Variants in DIXDC1 observed in about 807,000 individuals in gnomAD.
DIXDC1 encodes DIX domain containing 1.
Under a neutral mutation model 103.1 loss-of-function variants are expected in DIXDC1, and 64 were observed. That is an observed-to-expected ratio of 0.62 (90% CI 0.51 to 0.76). The LOEUF is 0.76. DIXDC1 is among the 30% of genes least tolerant of loss of function. The probability of loss-of-function intolerance (pLI) is 0.00; values close to 1 mark genes in which losing one functional copy is unlikely to be tolerated. For synonymous variants in DIXDC1, 266 were observed against 298.5 expected (o/e 0.89, Z 1.12); for missense variants, 759 against 834.2 (o/e 0.91, Z 1.11).
At chr11:111,927,720 G>A (rs1038990383) in intron 1 of DIXDC1, among the ~76,000 whole-genome samples, 3 of 151,986 alleles carry the variant, frequency 2.0e-5, no homozygotes, top group Non-Finnish European at 4.4e-5. Flanking sequence ...CACAAAAGTT[G>A]GCAATAATAG....
In DIXDC1 at chr11:111,962,762, T is replaced by C. The variant is rs1365121201; in HGVS notation, c.61-1787T>C. On this transcript the variant is annotated intron_variant, in intron 1 of 19. Transcript: ENST00000440460. ...ATACAGGGAAATTGGTTAGGAGTTT[T>C]ATATAAAAGCCAGGTAATCAGATCC... is the stretch of plus-strand genomic sequence containing the variant. Among the ~76,000 whole-genome samples, 4 of 152,296 alleles carry C rather than the reference T, an allele frequency of 2.6e-5. No individual in the cohort carries two copies. The East Asian group carries it at 7.7e-4, about 29-fold the overall frequency.
chr11:111,989,513 A>G (rs1860621109), intron 10 of DIXDC1, among the ~76,000 whole-genome samples: 1 of 151,402 alleles, frequency 6.6e-6, no homozygotes, highest in African/African-American at 2.4e-5. Flanking sequence ...AATCCCAGCT[A>G]CTTGGGAGGC....
chr11:111,993,402 T>C lies in DIXDC1; in HGVS notation c.1273-94T>C, dbSNP rs1860770598. The stretch of plus-strand genomic sequence containing the variant: ...AGGAAAGGACTTTTTTTCCTGAGGC[T>C]CTACTTTACTTGAGTGGAAGTTACA... On this transcript the variant is annotated intron_variant, in intron 12 of 19. Coordinates refer to ENST00000440460, the MANE Select transcript of DIXDC1 (RefSeq NM_001037954.4). 2.2e-6 allele frequency: 3 copies of C among 1,359,372 alleles called. No individual in the cohort carries two copies. The South Asian group carries it at 3.6e-5, about 16-fold the overall frequency. 84.2% of individuals were successfully genotyped at this position (1,359,372 alleles called of 1,614,324 possible).
At chr11:111,930,013 C>T in intron 2 of DIXDC1, 2 of 1,086,956 alleles carry the variant, frequency 1.8e-6, no homozygotes, top group Admixed American at 2.7e-5. Context: ...GATCCTGGAA[C>T]AGAATTTTAA....
At chr11:111,957,676 C>G (rs1382664072) in intron 1 of DIXDC1, among the ~76,000 whole-genome samples, 2 of 152,202 alleles carry the variant, frequency 1.3e-5, no homozygotes, top group Non-Finnish European at 2.9e-5. Flanking sequence ...TCAAAATTGT[C>G]AAGGTCATGA....
In DIXDC1 at chr11:111,971,721, T is replaced by C. The variant is rs587652599; in HGVS notation, c.317-2302T>C. On this transcript the variant is annotated intron_variant, in intron 3 of 19. Transcript: ENST00000440460. ...AGTGCAGTGAATAAATAAAATGTGG[T>C]GTGTATATCTATATCTATATCTATA... 2.6e-3 allele frequency among the ~76,000 whole-genome samples: 383 copies of C among 147,722 alleles called. 3 individuals are homozygous for C. The highest frequency in any genetic ancestry group is 8.7e-3 in the African/African-American group (343 of 39,458).
chr11:111,975,024 G>T, intron 5 of DIXDC1, 41 bp downstream of exon 5: 1 of 1,579,478 alleles, frequency 6.3e-7, no homozygotes, highest in East Asian at 2.3e-5. Flanking sequence ...GAGGATTCTC[G>T]GAGTTCTCGG....
chr11:111,954,838 ACT>A (rs1555170415), intron 1 of DIXDC1, among the ~76,000 whole-genome samples: 1 of 152,016 alleles, frequency 6.6e-6, no homozygotes, highest in African/African-American at 2.4e-5. Context: ...GAAAGGATGA[ACT>A]CTGTGGTGTT....
At chr11:111,972,997 T>C (rs1385386731) in intron 3 of DIXDC1, among the ~76,000 whole-genome samples, 2 of 149,684 alleles carry the variant, frequency 1.3e-5, no homozygotes, top group Non-Finnish European at 3.0e-5. Flanking sequence ...AGGCAGAGGT[T>C]GCAGTGAGCC....
intron 1 of DIXDC1, among the ~76,000 whole-genome samples, chr11:111,944,191 C>G (rs138519104): frequency 6.6e-6 from 1 of 152,336 alleles, no homozygotes; most frequent in East Asian, 1.9e-4. Context: ...AAACAGGTAT[C>G]TGGTTTCACT....
chr11:111,935,056 T>C (rs1966149345), upstream of DIXDC1, among the ~76,000 whole-genome samples: 1 of 152,222 alleles, frequency 6.6e-6, no homozygotes, highest in Non-Finnish European at 1.5e-5. Flanking sequence ...CTCTAGAATA[T>C]GTGGTTTGTA....
chr11:111,983,029 C>T (rs916664052), intron 7 of DIXDC1, among the ~76,000 whole-genome samples: 2 of 152,230 alleles, frequency 1.3e-5, no homozygotes, highest in Non-Finnish European at 2.9e-5. Flanking sequence ...TTTTCCTATA[C>T]CTGTAGTGCC....
intron 10 of DIXDC1, among the ~76,000 whole-genome samples, chr11:111,989,757 C>T (rs1387805592): frequency 6.6e-6 from 1 of 151,906 alleles, no homozygotes; most frequent in Non-Finnish European, 1.5e-5. Flanking sequence ...CCAGCCCTGT[C>T]CCATCAGTCA....
At chr11:111,988,564 T>A (rs1555174130) in intron 9 of DIXDC1, among the ~76,000 whole-genome samples, 3 of 152,188 alleles carry the variant, frequency 2.0e-5, no homozygotes, top group African/African-American at 7.2e-5. Context: ...CCCTCTTGGA[T>A]CAGAAACACT....
At chr11:111,931,611 C>T (rs1966020755) in intron 2 of DIXDC1, among the ~76,000 whole-genome samples, 1 of 152,008 alleles carries the variant, frequency 6.6e-6, no homozygotes, top group African/African-American at 2.4e-5. Flanking sequence ...CCAATGCACT[C>T]CAGCCTGGGT....
chr11:111,959,215 G>A (rs1859492786), intron 1 of DIXDC1, among the ~76,000 whole-genome samples: 1 of 152,220 alleles, frequency 6.6e-6, no homozygotes, highest in Non-Finnish European at 1.5e-5. Flanking sequence ...CAGGCAACAA[G>A]AAGGAGAGAA....
intron 17 of DIXDC1, among the ~76,000 whole-genome samples, chr11:112,013,862 C>T (rs1323176649): frequency 1.3e-5 from 2 of 152,152 alleles, no homozygotes; most frequent in Non-Finnish European, 2.9e-5. Context: ...ATTCGGCTGG[C>T]TGGAAAGTTG....
intron 17 of DIXDC1, among the ~76,000 whole-genome samples, chr11:112,009,649 T>C (rs1272029510): frequency 2.0e-5 from 3 of 152,164 alleles, no homozygotes; most frequent in African/African-American, 2.4e-5. Context: ...GCAAGGCTGG[T>C]TCAACATACT....
chr11:111,984,753 G>T (rs1555173634), intron 7 of DIXDC1, among the ~76,000 whole-genome samples: 1 of 152,144 alleles, frequency 6.6e-6, no homozygotes, highest in African/African-American at 2.4e-5. Context: ...AATAGAGGTT[G>T]CTTTAGGGAG....
Sources: gnomAD v4.1 joint callset for allele counts (sites outside exome capture counted in the v4.1 genomes callset) on GRCh38, gnomAD v4.1.1 for gene constraint, MANE v1.5 for transcripts, NCBI Gene and HGNC (gene_info 2026-07-23, HGNC 2026-07-21) for gene names.